The following UNC5D variants were observed in gnomAD, a reference collection of about 807,000 sequenced individuals.
The protein encoded by UNC5D is unc-5 netrin receptor D, also known as netrin receptor UNC5D.
In UNC5D, 39 loss-of-function variants were observed where a neutral mutation model predicts 105.4. The ratio of observed to expected loss-of-function variants is 0.37; its 90% CI spans 0.29 to 0.48. The LOEUF is 0.48. Ranked by LOEUF, UNC5D falls within the 20% of genes least tolerant of loss-of-function variation. The pLI is 0.98. For missense variants in UNC5D, 991 were observed against 1,202.4 expected (o/e 0.82, Z 2.60); for synonymous variants, 452 against 450.4 (o/e 1.00, Z -0.04).
chr8:35,313,496 A>G (rs547997347), intron 1 of UNC5D, among the ~76,000 whole-genome samples: 1 of 152,320 alleles, frequency 6.6e-6, no homozygotes, highest in South Asian at 2.1e-4. Flanking sequence ...TGCAAAAAGA[A>G]CAACCAACAA....
chr8:35,497,843 G>A (rs573513342), intron 1 of UNC5D, among the ~76,000 whole-genome samples: 3 of 152,156 alleles, frequency 2.0e-5, no homozygotes, highest in East Asian at 3.9e-4. Flanking sequence ...GCTGAGGCAG[G>A]TGGATCACCT....
intron 1 of UNC5D, among the ~76,000 whole-genome samples, chr8:35,510,251 C>A (rs1812605540): frequency 6.7e-6 from 1 of 149,802 alleles, no homozygotes. Flanking sequence ...TTTCCAGTGA[C>A]CAGCCCCCAC....
In UNC5D at chr8:35,794,230, G is replaced by A. The variant is rs1803169140; in HGVS notation, c.*3667G>A. 1 of 152,088 alleles carries A rather than the reference G, an allele frequency of 6.6e-6. No individual in the cohort carries two copies. The highest frequency in any genetic ancestry group is 6.6e-5 in the Admixed American group (1 of 15,266). The allele number at this position is 152,088 out of a possible 1,614,324, so 9.4% of individuals were successfully genotyped here. Reference sequence around the variant, plus strand: ...TCCCTCTGCCCTCTGTAAATGTGTTGAGTGATATAGCTATCAGATGTATTG... The same window carrying A: ...TCCCTCTGCCCTCTGTAAATGTGTTAAGTGATATAGCTATCAGATGTATTG... On this transcript the variant is annotated 3_prime_UTR_variant, in exon 17 of 17. Coordinates refer to ENST00000404895, the MANE Select transcript of UNC5D (RefSeq NM_080872.4).
chr8:35,242,437 A>G (rs1449809139), intron 1 of UNC5D, among the ~76,000 whole-genome samples: 1 of 152,120 alleles, frequency 6.6e-6, no homozygotes, highest in East Asian at 1.9e-4. Context: ...GCTTTGTGTG[A>G]TACAATTCAC....
At chr8:35,626,697 C>T (rs1486135093) in intron 4 of UNC5D, among the ~76,000 whole-genome samples, 1 of 152,210 alleles carries the variant, frequency 6.6e-6, no homozygotes, top group African/African-American at 2.4e-5. Context: ...TATATATCAT[C>T]CAGGCATCCG....
chr8:35,412,467 CAA>C (rs201996053), intron 1 of UNC5D, among the ~76,000 whole-genome samples: 8 of 135,176 alleles, frequency 5.9e-5, no homozygotes, highest in Admixed American at 7.5e-5. Flanking sequence ...TATGTTATGA[CAA>C]AAAAAAAAAA....
chr8:35,629,840 C>A (rs578056331), intron 4 of UNC5D, among the ~76,000 whole-genome samples: 5 of 152,208 alleles, frequency 3.3e-5, no homozygotes, highest in Admixed American at 6.5e-5. Context: ...ATTATCCCCC[C>A]ACCCCAGGTC....
intron 1 of UNC5D, among the ~76,000 whole-genome samples, chr8:35,291,275 A>G (rs1281913781): frequency 6.6e-6 from 1 of 152,246 alleles, no homozygotes; most frequent in Non-Finnish European, 1.5e-5. Context: ...GCAAATGGGA[A>G]CTGATAGAGA....
Position 35,722,388 on chromosome 8 carries a change from C to T in UNC5D, c.1296C>T (p.Val432=), listed in dbSNP as rs1405033694. Residue 432 remains valine (V), a synonymous_variant, in exon 9 of 17, where the codon GTC becomes GTT. Coordinates refer to ENST00000404895, the MANE Select transcript of UNC5D (RefSeq NM_080872.4). ...TCCAGACCTTCAACTTCAAAACAGTCCGTCAAGGTCAGCGGCATAGGTCCC... is the reference window on the plus strand; with the variant it reads ...TCCAGACCTTCAACTTCAAAACAGTTCGTCAAGGTCAGCGGCATAGGTCCC... ...GGFQTFNFKT[V]RQGNSLLLNS... is the part of the protein sequence containing the mutation. 1 of 1,613,468 alleles carries T rather than the reference C, an allele frequency of 6.2e-7. No individual in the cohort carries two copies. Among genetic ancestry groups the T allele is most frequent in the Non-Finnish European group, 8.5e-7 (1 of 1,179,874 alleles).
At chr8:35,333,197 C>G (rs1810760316) in intron 1 of UNC5D, among the ~76,000 whole-genome samples, 1 of 152,020 alleles carries the variant, frequency 6.6e-6, no homozygotes, top group South Asian at 2.1e-4. Context: ...AATTAGCTGG[C>G]TGTGTCTCAG....
At chr8:35,714,885 C>G (rs1828167635) in intron 8 of UNC5D, among the ~76,000 whole-genome samples, 1 of 151,988 alleles carries the variant, frequency 6.6e-6, no homozygotes, top group Admixed American at 6.6e-5. Context: ...GGCGCAGTGG[C>G]TCACGCCTGT....
chr8:35,756,529 G>A (rs1830526276), intron 13 of UNC5D, among the ~76,000 whole-genome samples: 2 of 147,438 alleles, frequency 1.4e-5, no homozygotes, highest in African/African-American at 2.5e-5. Context: ...GTTAATCACA[G>A]TCTGATCTTC....
At chr8:35,493,311 A>G (rs1811336471) in intron 1 of UNC5D, among the ~76,000 whole-genome samples, 1 of 148,824 alleles carries the variant, frequency 6.7e-6, no homozygotes, top group Non-Finnish European at 1.5e-5. Context: ...AAAACACACC[A>G]AAAAACAAAA....
chr8:35,424,852 A>G (rs937159780), intron 1 of UNC5D, among the ~76,000 whole-genome samples: 1 of 152,234 alleles, frequency 6.6e-6, no homozygotes, highest in Non-Finnish European at 1.5e-5. Flanking sequence ...GCAATGAGGA[A>G]TTGGCACTTT....
At chr8:35,769,201 A>G (rs1035781006) in intron 15 of UNC5D, among the ~76,000 whole-genome samples, 2 of 152,198 alleles carry the variant, frequency 1.3e-5, no homozygotes, top group Non-Finnish European at 2.9e-5. Flanking sequence ...TCTCAAAGGC[A>G]TGAACTTTCT....
intron 4 of UNC5D, among the ~76,000 whole-genome samples, chr8:35,624,403 A>C (rs1407448317): frequency 6.6e-6 from 1 of 152,218 alleles, no homozygotes; most frequent in Non-Finnish European, 1.5e-5. Context: ...TTAAAAATTG[A>C]TGTTGTTTAT....
chr8:35,589,548 G>A (rs1006182484), intron 3 of UNC5D, among the ~76,000 whole-genome samples: 1 of 151,644 alleles, frequency 6.6e-6, no homozygotes, highest in African/African-American at 2.4e-5. Context: ...GTAGTTTTTA[G>A]TATACTCACA....
At chr8:35,573,240 A>C (rs987348537) in intron 3 of UNC5D, among the ~76,000 whole-genome samples, 1 of 152,212 alleles carries the variant, frequency 6.6e-6, no homozygotes, top group African/African-American at 2.4e-5. Context: ...CCATTCACCC[A>C]AATTCCTCAT....
At chr8:35,585,526 ATGTGTGTG>A (rs10570182) in intron 3 of UNC5D, among the ~76,000 whole-genome samples, 40 of 148,926 alleles carry the variant, frequency 2.7e-4, no homozygotes, top group African/African-American at 6.9e-4. Flanking sequence ...CAACCATAAT[ATGTGTGTG>A]TGTGTGTGTG....
Sources: gnomAD v4.1 joint callset for allele counts (sites outside exome capture counted in the v4.1 genomes callset) on GRCh38, gnomAD v4.1.1 for gene constraint, MANE v1.5 for transcripts, NCBI Gene and HGNC (gene_info 2026-07-23, HGNC 2026-07-21) for gene names.